Variants in PLXNA2 observed in about 807,000 individuals in gnomAD.
The protein encoded by PLXNA2 is plexin A2, also known as plexin-A2.
A neutral mutation model predicts 193.5 loss-of-function variants in PLXNA2; 91 were observed. The observed-to-expected ratio is 0.47, with a 90% CI of 0.40 to 0.56. PLXNA2 has a LOEUF of 0.56. Among genes scored for constraint, PLXNA2 ranks in the 20% least tolerant of loss-of-function variants. The probability of loss-of-function intolerance (pLI) is 0.00; values close to 1 mark genes in which losing one functional copy is unlikely to be tolerated. For synonymous variants in PLXNA2, 997 were observed against 1,027.3 expected, an observed-to-expected ratio of 0.97 and a Z score of 0.56; for missense variants, 1,995 against 2,503.2, an observed-to-expected ratio of 0.80 and a Z score of 4.33.
At chr1:208,149,858 C>T (rs1429551652) in intron 3 of PLXNA2, among the ~76,000 whole-genome samples, 1 of 152,174 alleles carries the variant, frequency 6.6e-6, no homozygotes, top group Non-Finnish European at 1.5e-5. Context: ...TACACACACA[C>T]TCTCTCACAT....
At chr1:208,179,410 G>A (rs771112203) in intron 3 of PLXNA2, among the ~76,000 whole-genome samples, 37 of 152,164 alleles carry the variant, frequency 2.4e-4, no homozygotes, top group Non-Finnish European at 4.7e-4. Context: ...AGGTGCAGCC[G>A]GGGCTTTTGG....
At chr1:208,166,672 C>T (rs905768822) in intron 3 of PLXNA2, among the ~76,000 whole-genome samples, 5 of 152,104 alleles carry the variant, frequency 3.3e-5, no homozygotes, top group African/African-American at 1.2e-4. Context: ...GGAAAATCAA[C>T]AAATGTACAA....
chr1:208,195,612 T>C (rs1670331305), intron 3 of PLXNA2, among the ~76,000 whole-genome samples: 1 of 148,770 alleles, frequency 6.7e-6, no homozygotes, highest in African/African-American at 2.5e-5. Context: ...TCTGTGAAGC[T>C]TTTTCCAGAA....
intron 3 of PLXNA2, among the ~76,000 whole-genome samples, chr1:208,178,369 A>G (rs879467405): frequency 6.6e-6 from 1 of 152,238 alleles, no homozygotes; most frequent in Non-Finnish European, 1.5e-5. Context: ...CTAGAGGAAC[A>G]GGTGGGGAAG....
intron 3 of PLXNA2, among the ~76,000 whole-genome samples, chr1:208,150,168 T>G (rs1346531638): frequency 6.6e-6 from 1 of 152,144 alleles, no homozygotes; most frequent in East Asian, 1.9e-4. Context: ...TGTTCTAAGA[T>G]TTGAGAATTT....
chr1:208,220,053 C>A (rs936184902), intron 1 of PLXNA2, among the ~76,000 whole-genome samples: 1 of 152,168 alleles, frequency 6.6e-6, no homozygotes, highest in African/African-American at 2.4e-5. Flanking sequence ...CTGCCCCTGT[C>A]GCTGGGAAGA....
intron 29 of PLXNA2, chr1:208,030,450 C>T (rs1185438100): frequency 1.0e-6 from 1 of 985,650 alleles, no homozygotes; most frequent in Non-Finnish European, 1.2e-6. Context: ...CAGGCATGTG[C>T]TGTCCAGGGA....
At chr1:208,156,954 G>A (rs1386441399) in intron 3 of PLXNA2, among the ~76,000 whole-genome samples, 1 of 152,102 alleles carries the variant, frequency 6.6e-6, no homozygotes, top group Non-Finnish European at 1.5e-5. Context: ...ATAACACATC[G>A]AATGCTGCTT....
intron 1 of PLXNA2, among the ~76,000 whole-genome samples, chr1:208,227,078 C>CA (rs1367263738): frequency 6.6e-6 from 1 of 151,700 alleles, no homozygotes; most frequent in Non-Finnish European, 1.5e-5. Context: ...GATTAAAGGA[C>CA]AAAAAAAGGA....
intron 9 of PLXNA2, among the ~76,000 whole-genome samples, chr1:208,091,005 T>C (rs187111731): frequency 3.3e-5 from 5 of 152,344 alleles, no homozygotes; most frequent in African/African-American, 1.2e-4. Context: ...TTCATACTGT[T>C]GCAGAATTCC....
chr1:208,092,791 A>C lies in PLXNA2; in HGVS notation c.2092T>G (p.Ser698Ala), dbSNP rs1666758316. The change falls in exon 9 of 32, where the codon TCA becomes GCA. Residue 698 changes from serine (S) to alanine (A), a missense_variant. Physicochemically the swap from Ser to Ala is moderately conservative, Grantham distance 99. Around this residue, in one of 3 missense-constraint regions of PLXNA2, gnomAD observed 1,291 missense variants for 1,673.6 expected, o/e 0.77. Transcript: ENST00000367033. ...TTAGGGTAAGCCCTTCTTACCTCTGAAATATTGATCCGGCCCTCCTGGAAG... is the reference window on the plus strand; with the variant it reads ...TTAGGGTAAGCCCTTCTTACCTCTGCAATATTGATCCGGCCCTCCTGGAAG... The part of the protein sequence containing the change: ...CSFQEGRINI[S>A]EDCPQLVPTE... The C allele has an allele frequency of 6.2e-7, 1 of 1,611,852 alleles. No homozygotes were observed. The highest frequency in any genetic ancestry group is 1.3e-5 in the African/African-American group (1 of 74,892).
chr1:208,126,157 G>A (rs1667969973), intron 4 of PLXNA2, among the ~76,000 whole-genome samples: 1 of 152,156 alleles, frequency 6.6e-6, no homozygotes, highest in Admixed American at 6.5e-5. Context: ...AAAGGCCCAC[G>A]ACCATGAACG....
At chr1:208,055,464 C>T (rs931452662) in intron 13 of PLXNA2, among the ~76,000 whole-genome samples, 9 of 148,736 alleles carry the variant, frequency 6.1e-5, no homozygotes, top group Non-Finnish European at 1.3e-4. Flanking sequence ...CTGGAATGGT[C>T]GGGCCTGGGC....
At chr1:208,138,191 A>T (rs1392908158) in intron 4 of PLXNA2, among the ~76,000 whole-genome samples, 1 of 152,226 alleles carries the variant, frequency 6.6e-6, no homozygotes, top group East Asian at 1.9e-4. Context: ...TGAAAGCAAT[A>T]CACATTCAGT....
chr1:208,086,640 A>G (rs1021861333), intron 9 of PLXNA2, among the ~76,000 whole-genome samples: 5 of 152,036 alleles, frequency 3.3e-5, no homozygotes. Flanking sequence ...GGCATCCACG[A>G]GAGAGAATCA....
At position 208,191,823 on chromosome 1, in the gene PLXNA2, T is replaced by C. The variant is rs61216170; in HGVS notation, c.1371+18457A>G. Among the ~76,000 whole-genome samples the C allele has an allele frequency of 8.1e-3, 1,228 of 152,192 alleles. 20 individuals are homozygous for C. The highest frequency in any genetic ancestry group is 0.029 in the African/African-American group (1,188 of 41,540). On this transcript the variant is annotated intron_variant, in intron 3 of 31. Coordinates refer to ENST00000367033, the MANE Select transcript of PLXNA2 (RefSeq NM_025179.4). ...GGGGCTTCCTAGAGGAGGTGGTGTA[T>C]CAGCATGTGGAAGATGAGGAGGTGT...
intron 18 of PLXNA2, 89 bp downstream of exon 18, chr1:208,045,789 C>A: frequency 2.0e-6 from 3 of 1,501,692 alleles, no homozygotes; most frequent in Non-Finnish European, 2.7e-6. Context: ...GAAAGGAGAG[C>A]CAGAAAGAAA....
chr1:208,050,976 A>G, intron 17 of PLXNA2, 33 bp downstream of exon 17: 1 of 1,505,456 alleles, frequency 6.6e-7, no homozygotes. Flanking sequence ...AGCTGTGTTT[A>G]CCAAAGGCTG....
chr1:208,079,221 T>C, intron 12 of PLXNA2, 39 bp downstream of exon 12: 1 of 1,555,696 alleles, frequency 6.4e-7, no homozygotes, highest in East Asian at 2.3e-5. Context: ...GGTCAGCTCT[T>C]GGCCACCCCT....
Sources: gnomAD v4.1 joint callset for allele counts (sites outside exome capture counted in the v4.1 genomes callset) on GRCh38, gnomAD v4.1.1 for gene constraint, gnomAD v4.1.1 regional missense constraint, MANE v1.5 for transcripts, NCBI Gene and HGNC (gene_info 2026-07-23, HGNC 2026-07-21) for gene names.